Variants in SOAT1 observed in about 807,000 individuals in gnomAD.
The protein encoded by SOAT1 is sterol O-acyltransferase 1.
A neutral mutation model predicts 69.5 loss-of-function variants in SOAT1; 55 were observed. That is an observed-to-expected ratio of 0.79 (90% CI 0.64 to 0.99). The LOEUF is 0.99. SOAT1 is among the 50% of genes least tolerant of loss of function. The probability of loss-of-function intolerance (pLI) is 0.00; values close to 1 mark genes in which losing one functional copy is unlikely to be tolerated. For missense variants in SOAT1, 580 were observed against 669.3 expected (o/e 0.87, Z 1.47); for synonymous variants, 231 against 224.7 (o/e 1.03, Z -0.25).
chr1:179,294,981 ATGACTTGTTAAGGAAGTCTG>A (rs1239211051), intron 1 of SOAT1, among the ~76,000 whole-genome samples: 4 of 151,828 alleles, frequency 2.6e-5, no homozygotes, highest in Non-Finnish European at 4.4e-5. Context: ...GTGTCAGTGA[ATGACTTGTTAAGGAAGTCTG>A]TGCGTTGTCT....
chr1:179,339,764 T>G (rs1343346257), intron 6 of SOAT1, among the ~76,000 whole-genome samples: 1 of 152,236 alleles, frequency 6.6e-6, no homozygotes, highest in Non-Finnish European at 1.5e-5. Context: ...TAGACCATAA[T>G]CAGTAATTTC....
At chr1:179,327,559 G>A (rs868054052) in intron 3 of SOAT1, among the ~76,000 whole-genome samples, 1 of 152,150 alleles carries the variant, frequency 6.6e-6, no homozygotes, top group Non-Finnish European at 1.5e-5. Flanking sequence ...ACGTCCAGTC[G>A]AATTTGAATT....
intron 3 of SOAT1, among the ~76,000 whole-genome samples, chr1:179,334,940 A>T: frequency 6.8e-6 from 1 of 147,038 alleles, no homozygotes; most frequent in African/African-American, 2.5e-5. Context: ...ACTTGAACCC[A>T]GGAGGCGGAG....
chr1:179,353,228 T>TAAATATATATATATAAATATA (rs1571463745), intron 15 of SOAT1, among the ~76,000 whole-genome samples: 1 of 128,300 alleles, frequency 7.8e-6, no homozygotes, highest in African/African-American at 2.9e-5. Flanking sequence ...TATATATCTA[T>TAAATATATATATATAAATATA]TTGTCGTCCT....
At chr1:179,345,301 C>G (rs1666490545) in intron 11 of SOAT1, among the ~76,000 whole-genome samples, 2 of 152,210 alleles carry the variant, frequency 1.3e-5, no homozygotes, top group South Asian at 4.1e-4. Flanking sequence ...CTTTCTCTGA[C>G]AGTGGACAGT....
At chr1:179,335,828 G>T (rs1199791606) in intron 4 of SOAT1, among the ~76,000 whole-genome samples, 171 bp downstream of exon 4, 2 of 152,082 alleles carry the variant, frequency 1.3e-5, no homozygotes, top group Non-Finnish European at 2.9e-5. Flanking sequence ...GGATTTCTTT[G>T]TCTTTACATA....
At chr1:179,332,361 TGTTCCTTTAA>T (rs1290207329) in intron 3 of SOAT1, among the ~76,000 whole-genome samples, 1 of 152,226 alleles carries the variant, frequency 6.6e-6, no homozygotes, top group Non-Finnish European at 1.5e-5. Context: ...CATTATCATC[TGTTCCTTTAA>T]CTATGTGTTC....
intron 3 of SOAT1, among the ~76,000 whole-genome samples, chr1:179,332,540 G>C (rs143330781): frequency 1.3e-5 from 2 of 152,030 alleles, no homozygotes; most frequent in Non-Finnish European, 2.9e-5. Context: ...CTAGTTAACT[G>C]CCTCCTCCCT....
Position 179,345,088 on chromosome 1 carries a change from A to G in SOAT1, c.1117+12A>G, listed in dbSNP as rs1285088485. 1 of 1,612,682 alleles carries G rather than the reference A, an allele frequency of 6.2e-7. No homozygotes were observed. The highest frequency in any genetic ancestry group is 1.7e-5 in the Admixed American group (1 of 59,844). On this transcript the variant is annotated intron_variant, in intron 11 of 15. Transcript: ENST00000367619. ...CTCCATCTTGCCAGGTAACATGGGT[A>G]CTTGTTAATTTGGTCATGCATAAAT...
intron 6 of SOAT1, among the ~76,000 whole-genome samples, chr1:179,340,526 G>A (rs937384286): frequency 4.6e-5 from 7 of 152,102 alleles, no homozygotes; most frequent in Non-Finnish European, 8.8e-5. Flanking sequence ...AAATGACAGC[G>A]TGGTAATCAT....
At chr1:179,342,072 G>T (rs777043820) in intron 7 of SOAT1, 42 bp from the exon 8 acceptor site, 6 of 1,611,996 alleles carry the variant, frequency 3.7e-6, no homozygotes, top group Non-Finnish European at 5.1e-6. Context: ...ACTTGCAGGA[G>T]ACTTTCTTTG....
At chr1:179,346,120 T>A (rs1028928945) in intron 11 of SOAT1, among the ~76,000 whole-genome samples, 6 of 152,184 alleles carry the variant, frequency 3.9e-5, no homozygotes, top group African/African-American at 1.4e-4. Flanking sequence ...CTTGCATTCC[T>A]CTTCCAGTAA....
At chr1:179,318,355 A>G (rs1023857272) in intron 2 of SOAT1, among the ~76,000 whole-genome samples, 4 of 152,200 alleles carry the variant, frequency 2.6e-5, no homozygotes, top group African/African-American at 9.7e-5. Flanking sequence ...CCATACATAC[A>G]CAGGAGTTAT....
chr1:179,340,542 G>T (rs985189988), intron 6 of SOAT1, among the ~76,000 whole-genome samples: 1 of 152,122 alleles, frequency 6.6e-6, no homozygotes, highest in Non-Finnish European at 1.5e-5. Flanking sequence ...ATCATGGATT[G>T]AATTATGTAC....
At chr1:179,312,958 T>C (rs1278792347) in intron 2 of SOAT1, among the ~76,000 whole-genome samples, 2 of 152,138 alleles carry the variant, frequency 1.3e-5, no homozygotes, top group Admixed American at 1.3e-4. Context: ...TAAGCTTGAG[T>C]GGGTCATCTC....
chr1:179,335,593 A>G lies in SOAT1; in HGVS notation c.265A>G (p.Asn89Asp). 6.2e-7 allele frequency: 1 copy of G among 1,614,042 alleles called. No homozygotes were observed. The highest frequency in any genetic ancestry group is 8.5e-7 in the Non-Finnish European group (1 of 1,179,896). Residue 89 changes from asparagine (N) to aspartate (D), a missense_variant, in exon 4 of 16, where the codon AAT becomes GAT. Coordinates refer to ENST00000367619, the MANE Select transcript of SOAT1 (RefSeq NM_003101.6). ...CATTGAAAAGTCAGCATCATTAGAT[A>G]ATGGTGGGTGCGCTCTCACAACCTT... ...NLIEKSASLD[N>D]GGCALTTFSV...
chr1:179,319,043 T>C (rs1375042097), intron 2 of SOAT1, among the ~76,000 whole-genome samples: 1 of 152,180 alleles, frequency 6.6e-6, no homozygotes. Context: ...CTACACCATT[T>C]AACATTCCCA....
chr1:179,317,419 G>C (rs923112487), intron 2 of SOAT1, among the ~76,000 whole-genome samples: 13 of 151,724 alleles, frequency 8.6e-5, no homozygotes, highest in African/African-American at 3.1e-4. Context: ...TGTAGTCCCA[G>C]CTACTTGGGA....
rs1666826182 is a variant in SOAT1 at position 179,353,787 on chromosome 1, T to G, written c.*146T>G. 1 of 709,200 alleles carries G rather than the reference T, an allele frequency of 1.4e-6. No homozygotes were observed. Among genetic ancestry groups the G allele is most frequent in the Non-Finnish European group, 2.4e-6 (1 of 412,038 alleles). The allele number at this position is 709,200 out of a possible 1,614,324, so 43.9% of individuals were successfully genotyped here. On this transcript the variant is annotated 3_prime_UTR_variant, in exon 16 of 16. Transcript: ENST00000367619. ...ATGACTCACTCCATTCCTAGGTCAC[T>G]TGAAGCCAAACTGTTGGAAGTTCAC...
Sources: allele counts gnomAD v4.1 joint callset (sites outside exome capture counted in the v4.1 genomes callset), GRCh38; gene constraint gnomAD v4.1.1; transcripts MANE v1.5; gene names NCBI Gene and HGNC (gene_info 2026-07-23, HGNC 2026-07-21).